Variants in FAM110A observed in about 807,000 individuals in gnomAD.
FAM110A encodes protein FAM110A.
In FAM110A, 1 loss-of-function variant was observed where a neutral mutation model predicts 4.0. The ratio of observed to expected loss-of-function variants is 0.25; its 90% confidence interval spans 0.09 to 1.20. The LOEUF (loss-of-function observed/expected upper bound fraction) is 1.20, where lower values mean the gene tolerates loss of function less well. Among genes scored for constraint, FAM110A ranks in the 50% most tolerant of loss-of-function variants. The pLI is 0.50. For missense variants in FAM110A, 436 were observed against 429.2 expected, an observed-to-expected ratio of 1.02 and a Z score of -0.14; for synonymous variants, 217 against 196.8, an observed-to-expected ratio of 1.10 and a Z score of -0.86.
chr20:837,612 T>A (rs925535296), intron 1 of FAM110A, among the ~76,000 whole-genome samples: 1 of 152,194 alleles, frequency 6.6e-6, no homozygotes, highest in Non-Finnish European at 1.5e-5. Flanking sequence ...TTATCCAAGG[T>A]CTCATAGCTA....
Position 833,814 on chromosome 20 carries a change from G to A in FAM110A, c.-235G>A, listed in dbSNP as rs1277380788. The A allele has an allele frequency of 2.0e-5, 3 of 152,300 alleles. No individual in the cohort carries two copies. The highest frequency in any genetic ancestry group is 1.3e-4 in the Admixed American group (2 of 15,290). The allele number at this position is 152,300 out of a possible 1,614,324, so 9.4% of individuals were successfully genotyped here. ...TCGACCGCGGAGGGCAGCTCCAAAG[G>A]GGACCCCAAAGGTGCCCACGCGGGG... On this transcript the variant is annotated 5_prime_UTR_variant, in exon 1 of 2. Coordinates refer to ENST00000381941, the MANE Select transcript of FAM110A (RefSeq NM_001042353.3). This position sits in a 1 kb window ranked among gnomAD's most constrained non-coding sequence, Gnocchi z 4.1.
At position 845,394 on chromosome 20, in the gene FAM110A, G is replaced by T; in HGVS notation, c.590G>T (p.Arg197Met). The change falls in exon 2 of 2, where the codon AGG (arginine) becomes ATG (methionine). Residue 197 changes from arginine to methionine, a missense_variant. Transcript: ENST00000381941. The part of the protein sequence containing the change: ...SKSDLSERFS[R>M]AAADLERFFN... ...TCGGACTTGAGCGAGCGCTTTTCTA[G>T]GGCAGCCGCTGATCTCGAGCGCTTT... 1 of 1,613,404 alleles carries T rather than the reference G, an allele frequency of 6.2e-7. No homozygotes were observed. Among genetic ancestry groups the T allele is most frequent in the Non-Finnish European group, 8.5e-7 (1 of 1,179,794 alleles).
Position 845,989 on chromosome 20 carries a change from C to G in FAM110A, c.*297C>G. On this transcript the variant is annotated 3_prime_UTR_variant, in exon 2 of 2. Transcript: ENST00000381941. Reference sequence around the variant, plus strand: ...CTCTTGTGGGGCTGCATTTGCGGTGCTTTGCCCTCCCCACTGTGAGTGAGG... The same window carrying G: ...CTCTTGTGGGGCTGCATTTGCGGTGGTTTGCCCTCCCCACTGTGAGTGAGG... 2.3e-6 allele frequency: 1 copy of G among 436,194 alleles called. No homozygotes were observed. Among genetic ancestry groups the G allele is most frequent in the East Asian group, 5.3e-5 (1 of 18,728 alleles). 27.0% of individuals were successfully genotyped at this position (436,194 alleles called of 1,614,324 possible). A position where few individuals can be genotyped will look rare whatever the true frequency, so the allele number is the denominator to read the frequency against.
chr20:835,479 G>C (rs901315885), intron 1 of FAM110A, among the ~76,000 whole-genome samples: 2 of 151,818 alleles, frequency 1.3e-5, no homozygotes, highest in Non-Finnish European at 2.9e-5. Flanking sequence ...CTAATCCTGC[G>C]TGCCAGGCCC....
intron 1 of FAM110A, among the ~76,000 whole-genome samples, chr20:837,475 T>C (rs956921206): frequency 1.3e-5 from 2 of 152,194 alleles, no homozygotes; most frequent in African/African-American, 2.4e-5. Context: ...ATCTATTTGG[T>C]TGAATAGTTA....
Position 845,571 on chromosome 20 carries a change from T to C in FAM110A, c.767T>C (p.Val256Ala), listed in dbSNP as rs749070510. 3.7e-6 allele frequency: 6 copies of C among 1,613,702 alleles called. 1 individual carries two copies. In the South Asian group the frequency reaches 4.4e-5, roughly 12 times the overall value. The change falls in exon 2 of 2, where the codon GTT (valine) becomes GCT (alanine). Residue 256 changes from valine (V) to alanine (A), a missense_variant. Coordinates refer to ENST00000381941, the MANE Select transcript of FAM110A (RefSeq NM_001042353.3). Reference sequence around the variant, plus strand: ...TGCTCCCGCCGCAGCTCGGTGACTGTTGAGGAGCGGGCCCGGGAGCGCGTT... The same window carrying C: ...TGCTCCCGCCGCAGCTCGGTGACTGCTGAGGAGCGGGCCCGGGAGCGCGTT... ...GGCSRRSSVT[V>A]EERARERVPY... is the part of the protein sequence containing the mutation.
chr20:843,853 G>C (rs76386383), intron 1 of FAM110A, among the ~76,000 whole-genome samples: 1 of 152,338 alleles, frequency 6.6e-6, no homozygotes, highest in Non-Finnish European at 1.5e-5. Context: ...GGCAGATCGA[G>C]GGTCTGCCGG....
At chr20:839,707 G>T (rs1200800785) in intron 1 of FAM110A, 1 of 1,264,036 alleles carries the variant, frequency 7.9e-7, no homozygotes, top group East Asian at 2.3e-5. Flanking sequence ...AGGGTGGCAG[G>T]AACAATCTCT....
At chr20:836,456 A>G (rs1979581371) in intron 1 of FAM110A, among the ~76,000 whole-genome samples, 1 of 152,198 alleles carries the variant, frequency 6.6e-6, no homozygotes, top group Non-Finnish European at 1.5e-5. Context: ...TGGAATCATA[A>G]CAGTATTTGT....
Position 845,305 on chromosome 20 carries a change from C to T in FAM110A, c.501C>T (p.Cys167=), listed in dbSNP as rs1600019316. The change falls in exon 2 of 2, where the codon TGC becomes TGT. Residue 167 remains cysteine (C), a synonymous_variant. Transcript: ENST00000381941. ...RPLPASPARP[C]PSPGPAAASS... is the part of the protein sequence containing the mutation. ...TGCCCGCCTCGCCTGCCCGGCCCTGCCCATCACCCGGCCCTGCCGCCGCCT... is the reference window on the plus strand; with the variant it reads ...TGCCCGCCTCGCCTGCCCGGCCCTGTCCATCACCCGGCCCTGCCGCCGCCT... 2.6e-6 allele frequency: 4 copies of T among 1,541,982 alleles called. No homozygotes were observed. Among genetic ancestry groups the T allele is most frequent in the Non-Finnish European group, 3.5e-6 (4 of 1,143,966 alleles).
chr20:842,029 C>G (rs886840586), intron 1 of FAM110A, among the ~76,000 whole-genome samples: 6 of 152,238 alleles, frequency 3.9e-5, no homozygotes, highest in African/African-American at 1.4e-4. Flanking sequence ...GTTCGTGGCT[C>G]CGCCTTTTTG....
In FAM110A at chr20:845,608, G is replaced by A; in HGVS notation, c.804G>A (p.Val268=). Residue 268 remains valine (V), a synonymous_variant, in exon 2 of 2, where the codon GTG becomes GTA. Transcript: ENST00000381941. ...CCCGGGAGCGCGTTCCCTATGGCGT[G>A]TCGGTGGTGGAGCGCAATGCCCGCG... ...ERARERVPYG[V]SVVERNARVI... 6.2e-7 allele frequency: 1 copy of A among 1,614,118 alleles called. No individual in the cohort carries two copies.
intron 1 of FAM110A, among the ~76,000 whole-genome samples, chr20:844,480 C>A (rs1304664450): frequency 6.6e-6 from 1 of 151,720 alleles, no homozygotes; most frequent in Non-Finnish European, 1.5e-5. Flanking sequence ...CACCTTTTTT[C>A]CTCTCTTGGT....
At chr20:843,430 A>C (rs896649786) in intron 1 of FAM110A, among the ~76,000 whole-genome samples, 1 of 152,218 alleles carries the variant, frequency 6.6e-6, no homozygotes, top group African/African-American at 2.4e-5. Flanking sequence ...ACATGTGGCT[A>C]TTGAGAACTT....
At chr20:842,333 G>A (rs1190742037) in intron 1 of FAM110A, among the ~76,000 whole-genome samples, 1 of 152,056 alleles carries the variant, frequency 6.6e-6, no homozygotes, top group African/African-American at 2.4e-5. Context: ...GTCGTGCACG[G>A]GGTTTCTGCC....
Position 844,848 on chromosome 20 carries a change from C to T in FAM110A, c.44C>T (p.Ala15Val), listed in dbSNP as rs1266392815. The T allele has an allele frequency of 1.3e-6, 2 of 1,528,884 alleles. No homozygotes were observed. Among genetic ancestry groups the T allele is most frequent in the Non-Finnish European group, 1.8e-6 (2 of 1,137,720 alleles). 94.7% of individuals were successfully genotyped at this position (1,528,884 alleles called of 1,614,324 possible). A position where few individuals can be genotyped will look rare whatever the true frequency, so the allele number is the denominator to read the frequency against. Residue 15 changes from alanine (A) to valine (V), a missense_variant, in exon 2 of 2, where the codon GCC becomes GTC. Coordinates refer to ENST00000381941, the MANE Select transcript of FAM110A (RefSeq NM_001042353.3). ...AGCCCCGGAGCCCCGTCCGCCCCCG[C>T]CCTACCTTGCCGCCTGCGGACCAGG... ...TLSPGAPSAP[A>V]LPCRLRTRVP...
chr20:839,543 AG>A (rs1979761695), intron 1 of FAM110A: 10 of 1,031,910 alleles, frequency 9.7e-6, no homozygotes, highest in South Asian at 1.3e-5. Flanking sequence ...TGTCAGCACC[AG>A]GGGGCACAGA....
chr20:839,382 G>C (rs1979746715), intron 1 of FAM110A: 1 of 556,102 alleles, frequency 1.8e-6, no homozygotes, highest in Non-Finnish European at 3.4e-6. Flanking sequence ...AAAGTGCTCA[G>C]ATGAGATTTG....
intron 1 of FAM110A, chr20:836,246 T>TGG (rs56911234): frequency 2.2e-4 from 22 of 99,864 alleles, no homozygotes; most frequent in South Asian, 1.1e-3. Context: ...TTACATTTTT[T>TGG]GGGGGGGGGG....
Sources: gnomAD v4.1 joint callset for allele counts (sites outside exome capture counted in the v4.1 genomes callset) on GRCh38, gnomAD v4.1.1 for gene constraint, Gnocchi (gnomAD v3.1) non-coding constraint, MANE v1.5 for transcripts, NCBI Gene and HGNC (gene_info 2026-07-23, HGNC 2026-07-21) for gene names.